The following BTF3L4 variants were observed in gnomAD, a reference collection of about 807,000 sequenced individuals.
The protein encoded by BTF3L4 is transcription factor BTF3 homolog 4.
Under a neutral mutation model 16.8 loss-of-function variants are expected in BTF3L4, and 6 were observed. The ratio of observed to expected loss-of-function variants is 0.36; its 90% CI spans 0.20 to 0.71. The LOEUF is 0.71. Among genes scored for constraint, BTF3L4 ranks in the 30% least tolerant of loss-of-function variants. The pLI, the probability that BTF3L4 is intolerant of heterozygous loss-of-function variation, is 0.58. For synonymous variants in BTF3L4, 39 were observed against 59.8 expected (o/e 0.65, Z 1.60); for missense variants, 92 against 186.9 (o/e 0.49, Z 2.96).
At chr1:52,083,848 C>T (rs1357750873) in intron 4 of BTF3L4, among the ~76,000 whole-genome samples, 2 of 151,780 alleles carry the variant, frequency 1.3e-5, no homozygotes, top group African/African-American at 2.4e-5. Flanking sequence ...GGTGAAACCT[C>T]GTCTGTACTA....
At chr1:52,085,262 A>T (rs1251276398) in intron 4 of BTF3L4, among the ~76,000 whole-genome samples, 1 of 150,976 alleles carries the variant, frequency 6.6e-6, no homozygotes, top group African/African-American at 2.4e-5. Flanking sequence ...CTCGTGATCC[A>T]CCTGCCTCAG....
intron 3 of BTF3L4, 138 bp downstream of exon 3, chr1:52,065,076 G>A (rs1686611119): frequency 4.7e-6 from 2 of 428,640 alleles, no homozygotes; most frequent in Non-Finnish European, 8.4e-6. Flanking sequence ...GTGGCACTTT[G>A]ATTTTTGTAT....
chr1:52,070,232 A>G (rs887420890), intron 3 of BTF3L4, among the ~76,000 whole-genome samples: 1 of 151,996 alleles, frequency 6.6e-6, no homozygotes, highest in African/African-American at 2.4e-5. Flanking sequence ...AAAAAAACTA[A>G]AAGACTATTT....
At chr1:52,084,785 C>A (rs1159595373) in intron 4 of BTF3L4, among the ~76,000 whole-genome samples, 1 of 141,438 alleles carries the variant, frequency 7.1e-6, no homozygotes, top group East Asian at 2.1e-4. Flanking sequence ...AGGGGGGAGA[C>A]CCTGTCTCTA....
intron 5 of BTF3L4, 195 bp downstream of exon 5, chr1:52,086,366 A>C (rs376342479): frequency 4.1e-6 from 2 of 492,716 alleles, no homozygotes; most frequent in South Asian, 3.9e-5. Context: ...TTGTCACACA[A>C]AGCTCTGCTG....
intron 3 of BTF3L4, among the ~76,000 whole-genome samples, chr1:52,069,355 C>CTA (rs996251256): frequency 3.3e-5 from 5 of 151,818 alleles, no homozygotes; most frequent in African/African-American, 1.2e-4. Context: ...ATCTAGTATA[C>CTA]TATATATAAC....
chr1:52,066,353 G>A (rs1034739538), intron 3 of BTF3L4, among the ~76,000 whole-genome samples: 8 of 149,270 alleles, frequency 5.4e-5, no homozygotes, highest in Non-Finnish European at 1.0e-4. Context: ...CACCACACCC[G>A]GATAATTTTT....
intron 3 of BTF3L4, chr1:52,065,314 G>C (rs528090131): frequency 6.6e-6 from 1 of 152,510 alleles, no homozygotes; most frequent in African/African-American, 2.5e-5. Context: ...CACCCTAGCT[G>C]GAATGCAATG....
intron 1 of BTF3L4, among the ~76,000 whole-genome samples, chr1:52,056,901 T>C (rs1686377733): frequency 6.6e-6 from 1 of 152,202 alleles, no homozygotes; most frequent in Non-Finnish European, 1.5e-5. Flanking sequence ...TCCCACTGCC[T>C]GCTGACCGAC....
At chr1:52,065,614 T>C (rs1448574069) in intron 3 of BTF3L4, among the ~76,000 whole-genome samples, 1 of 152,084 alleles carries the variant, frequency 6.6e-6, no homozygotes, top group East Asian at 1.9e-4. Context: ...TCAATAGAGG[T>C]AGACTTTTTT....
At chr1:52,060,537 GAA>G in intron 2 of BTF3L4, 1 of 1,230,910 alleles carries the variant, frequency 8.1e-7, no homozygotes, top group South Asian at 1.3e-5. Context: ...GTGAGCAACT[GAA>G]GTCTTTGATT....
intron 2 of BTF3L4, among the ~76,000 whole-genome samples, chr1:52,061,351 G>A (rs1255495039): frequency 6.6e-6 from 1 of 151,810 alleles, no homozygotes; most frequent in East Asian, 2.0e-4. Flanking sequence ...AGCCTGGTGT[G>A]GTGGCGCATA....
In BTF3L4 at chr1:52,086,889, CTGTT is replaced by C; in HGVS notation, c.*136_*139del. ...ATAAATATTTTGTATATTAATAATGCTGTTTGTTCAGCATTTTTCGGTCATTTGA... is the reference window on the plus strand; with the variant it reads ...ATAAATATTTTGTATATTAATAATGCTGTTCAGCATTTTTCGGTCATTTGA... On this transcript the variant is annotated 3_prime_UTR_variant, in exon 6 of 6. Transcript: ENST00000313334. 2.1e-6 allele frequency: 1 copy of C among 470,938 alleles called. No homozygotes were observed. The allele number at this position is 470,938 out of a possible 1,614,324, so 29.2% of individuals were successfully genotyped here. A position where few individuals can be genotyped will look rare whatever the true frequency, so the allele number is the denominator to read the frequency against.
chr1:52,085,860 A>G (rs933837581), intron 4 of BTF3L4, among the ~76,000 whole-genome samples: 5 of 152,184 alleles, frequency 3.3e-5, no homozygotes, highest in African/African-American at 9.7e-5. Context: ...ATGAATAAAT[A>G]AAAATAAATA....
In BTF3L4 at chr1:52,086,755, C is replaced by T. The variant is rs1281179182; in HGVS notation, c.474C>T (p.Asn158=). ...ATGAGGCATCAAAGAATGAAGCTAACTAAAAGTTTGGTTTTTGGAAGCTGG... is the reference window on the plus strand; with the variant it reads ...ATGAGGCATCAAAGAATGAAGCTAATTAAAAGTTTGGTTTTTGGAAGCTGG... The part of the protein sequence containing the change: ...NFDEASKNEA[N] Residue 158 remains asparagine, a synonymous_variant, in exon 6 of 6, where the codon AAC becomes AAT. Transcript: ENST00000313334. The T allele has an allele frequency of 1.9e-6, 3 of 1,596,314 alleles. No homozygotes were observed. In the African/African-American group the frequency reaches 4.1e-5, roughly 22 times the overall value.
chr1:52,086,085 A>G (rs554014860), intron 4 of BTF3L4, 27 bp from the exon 5 acceptor site: 1 of 1,511,124 alleles, frequency 6.6e-7, no homozygotes, highest in Non-Finnish European at 9.1e-7. Context: ...GTTCTCAATG[A>G]CTAATATTAA....
At chr1:52,074,074 A>T (rs1446037193) in intron 3 of BTF3L4, among the ~76,000 whole-genome samples, 1 of 152,020 alleles carries the variant, frequency 6.6e-6, no homozygotes, top group Non-Finnish European at 1.5e-5. Context: ...GTGAGGCAGG[A>T]GGATACTTTG....
chr1:52,058,334 T>C (rs2124408889), intron 1 of BTF3L4, among the ~76,000 whole-genome samples: 1 of 152,334 alleles, frequency 6.6e-6, no homozygotes, highest in South Asian at 2.1e-4. Flanking sequence ...ATCTGGACAT[T>C]AGCCTTAAAG....
At position 52,088,735 on chromosome 1, in the gene BTF3L4, C is replaced by CT. The variant is rs938945601; in HGVS notation, c.*1978dup. 6.6e-6 allele frequency: 1 copy of CT among 152,166 alleles called. No homozygotes were observed. Among genetic ancestry groups the CT allele is most frequent in the Admixed American group, 6.6e-5 (1 of 15,266 alleles). 9.4% of individuals were successfully genotyped at this position (152,166 alleles called of 1,614,324 possible). ...CATTATGTGACCTTGGACAGGTCATCTAACTACTCTGAAATTTATCATCAG... is the reference window on the plus strand; with the variant it reads ...CATTATGTGACCTTGGACAGGTCATCTTAACTACTCTGAAATTTATCATCAG... On this transcript the variant is annotated 3_prime_UTR_variant, in exon 6 of 6. Coordinates refer to ENST00000313334, the MANE Select transcript of BTF3L4 (RefSeq NM_152265.5).
Sources: gnomAD v4.1 joint callset for allele counts (sites outside exome capture counted in the v4.1 genomes callset) on GRCh38, gnomAD v4.1.1 for gene constraint, MANE v1.5 for transcripts, NCBI Gene and HGNC (gene_info 2026-07-23, HGNC 2026-07-21) for gene names.